The following MYCBP2 variants were observed in gnomAD, a reference collection of about 807,000 sequenced individuals.
MYCBP2 encodes E3 ubiquitin-protein ligase MYCBP2.
In MYCBP2, 120 loss-of-function variants were observed where a neutral mutation model predicts 525.3. The observed-to-expected ratio is 0.23, with a 90% CI of 0.20 to 0.27. MYCBP2 has a LOEUF of 0.27. Among genes scored for constraint, MYCBP2 ranks in the 10% least tolerant of loss-of-function variants. MYCBP2 has a pLI of 1.00. For synonymous variants in MYCBP2, 1,894 were observed against 1,955.8 expected (o/e 0.97, Z 0.83); for missense variants, 4,149 against 5,657.1 (o/e 0.73, Z 8.55).
At chr13:77,085,216 C>T (rs73239455) in intron 62 of MYCBP2, among the ~76,000 whole-genome samples, 3,770 of 152,010 alleles carry the variant, frequency 0.025, 85 homozygotes, top group South Asian at 0.099. Flanking sequence ...CATTTGGAAG[C>T]GTTACTTAAT....
intron 55 of MYCBP2, among the ~76,000 whole-genome samples, chr13:77,103,691 G>GTTACTTATA: frequency 6.6e-6 from 1 of 151,918 alleles, no homozygotes; most frequent in South Asian, 2.1e-4. Context: ...ATAAAGAAAT[G>GTTACTTATA]TTACTTATAT....
chr13:77,250,198 G>A (rs1404183570), intron 15 of MYCBP2, among the ~76,000 whole-genome samples: 1 of 150,402 alleles, frequency 6.6e-6, no homozygotes, highest in Non-Finnish European at 1.5e-5. Context: ...ACTCCAGCCT[G>A]GGCGACAGAG....
Position 77,118,677 on chromosome 13 carries a change from G to T in MYCBP2, c.8140+2696C>A, listed in dbSNP as rs577885632. On this transcript the variant is annotated intron_variant, in intron 55 of 82. Coordinates refer to ENST00000544440, the MANE Select transcript of MYCBP2 (RefSeq NM_015057.5). ...TCAGATTAGGGACCGAATTTTGCAA[G>T]CTTTTTTTTTTAATGGAAGCGCCCC... 2.0e-5 allele frequency among the ~76,000 whole-genome samples: 3 copies of T among 151,820 alleles called. No individual in the cohort carries two copies. The South Asian group carries it at 6.2e-4, about 32-fold the overall frequency.
Position 77,064,468 on chromosome 13 carries a change from C to G in MYCBP2, c.12672+147G>C, listed in dbSNP as rs1186057095. On this transcript the variant is annotated intron_variant, in intron 73 of 82. Coordinates refer to ENST00000544440, the MANE Select transcript of MYCBP2 (RefSeq NM_015057.5). The stretch of plus-strand genomic sequence containing the variant: ...ACGACTAGTTCATAATATAAAAGCC[C>G]TTTATACTTTTTCAATAAATACGGT... 14 of 897,934 alleles carry G rather than the reference C, an allele frequency of 1.6e-5. No individual in the cohort carries two copies. The South Asian group carries it at 2.7e-4, about 17-fold the overall frequency. 55.6% of individuals were successfully genotyped at this position (897,934 alleles called of 1,614,324 possible).
intron 3 of MYCBP2, among the ~76,000 whole-genome samples, chr13:77,287,850 G>A (rs1436460312): frequency 2.0e-5 from 3 of 152,054 alleles, no homozygotes; most frequent in Admixed American, 6.6e-5. Context: ...ATGGCTCAAT[G>A]CCTCTATACT....
intron 2 of MYCBP2, among the ~76,000 whole-genome samples, chr13:77,290,124 AAAG>A (rs2077319565): frequency 6.6e-6 from 1 of 152,214 alleles, no homozygotes; most frequent in South Asian, 2.1e-4. Context: ...AAGCACATGA[AAAG>A]AATTTCAACA....
intron 54 of MYCBP2, 95 bp downstream of exon 54, chr13:77,125,241 C>T (rs2051443341): frequency 2.1e-6 from 3 of 1,462,994 alleles, no homozygotes; most frequent in Non-Finnish European, 2.8e-6. Flanking sequence ...AGCAAACACA[C>T]AAAAAACTCT....
intron 17 of MYCBP2, among the ~76,000 whole-genome samples, chr13:77,242,626 T>C (rs116242207): frequency 1.5e-3 from 230 of 152,322 alleles, no homozygotes; most frequent in African/African-American, 5.2e-3. Context: ...GTCCAAATGA[T>C]AATGAGCATA....
Position 77,139,842 on chromosome 13 carries a change from CA to C in MYCBP2, c.7518+204del, listed in dbSNP as rs1456347818. On this transcript the variant is annotated intron_variant, in intron 51 of 82. Transcript: ENST00000544440. The stretch of plus-strand genomic sequence containing the variant: ...TGTCGAACATTGTTCTTTTCATGTT[CA>C]AAATATAATTTTAGTCATTTTTTAA... Among the ~76,000 whole-genome samples, 3 of 151,992 alleles carry C rather than the reference CA, an allele frequency of 2.0e-5. No individual in the cohort carries two copies. In the East Asian group the frequency reaches 5.8e-4, roughly 29 times the overall value.
At chr13:77,251,420 A>G (rs1485542463) in intron 14 of MYCBP2, 65 bp from the exon 15 acceptor site, 10 of 1,348,450 alleles carry the variant, frequency 7.4e-6, no homozygotes, top group African/African-American at 2.9e-5. Flanking sequence ...ATGGATGACT[A>G]TATTTCCCAG....
intron 55 of MYCBP2, among the ~76,000 whole-genome samples, chr13:77,106,784 G>A (rs778849855): frequency 1.3e-5 from 2 of 151,638 alleles, no homozygotes; most frequent in Admixed American, 1.3e-4. Context: ...GGGGACATGT[G>A]TAGGTTTGTT....
chr13:77,237,513 CAAT>C (rs1389405742), intron 17 of MYCBP2, among the ~76,000 whole-genome samples: 1 of 151,800 alleles, frequency 6.6e-6, no homozygotes, highest in East Asian at 1.9e-4. Flanking sequence ...AAAATTCAGT[CAAT>C]GATATAACTA....
At chr13:77,142,458 T>C (rs1229986681) in intron 49 of MYCBP2, among the ~76,000 whole-genome samples, 3 of 152,260 alleles carry the variant, frequency 2.0e-5, no homozygotes, top group Non-Finnish European at 2.9e-5. Flanking sequence ...GTTACATTAA[T>C]GTATGAGAAC....
At chr13:77,308,394 G>A (rs546534400) in intron 1 of MYCBP2, among the ~76,000 whole-genome samples, 1 of 152,242 alleles carries the variant, frequency 6.6e-6, no homozygotes, top group East Asian at 1.9e-4. Context: ...TAAGAGTACA[G>A]AATTTAGAAA....
At chr13:77,245,066 C>T (rs1029728521) in intron 15 of MYCBP2, among the ~76,000 whole-genome samples, 14 of 152,158 alleles carry the variant, frequency 9.2e-5, no homozygotes, top group Non-Finnish European at 1.9e-4. Context: ...AAACATGTCA[C>T]GCCAGTTACA....
chr13:77,233,321 T>C (rs2067390439), intron 17 of MYCBP2, 58 bp from the exon 18 acceptor site: 3 of 1,261,976 alleles, frequency 2.4e-6, no homozygotes, highest in Admixed American at 1.8e-5. Context: ...AACACTATAA[T>C]GAACAAAAAA....
intron 55 of MYCBP2, among the ~76,000 whole-genome samples, chr13:77,110,401 C>T (rs888885595): frequency 1.4e-4 from 21 of 152,082 alleles, no homozygotes; most frequent in African/African-American, 3.6e-4. Context: ...GAGGTCAGAT[C>T]GGTTCTCTGC....
intron 4 of MYCBP2, among the ~76,000 whole-genome samples, chr13:77,276,729 T>A (rs1356356387): frequency 6.6e-6 from 1 of 151,136 alleles, no homozygotes; most frequent in African/African-American, 2.4e-5. Context: ...CGCAGTGGCA[T>A]GATCACAGCC....
At position 77,248,037 on chromosome 13, in the gene MYCBP2, T is replaced by C. The variant is rs1457307382; in HGVS notation, c.2381+3114A>G. Among the ~76,000 whole-genome samples the C allele has an allele frequency of 3.9e-5, 6 of 152,010 alleles. No homozygotes were observed. The East Asian group carries it at 1.2e-3, about 29-fold the overall frequency. ...GGATAGCATTAGGAGATATACCTAA[T>C]GTTAAATAACGAGTTAATGGGTGCA... On this transcript the variant is annotated intron_variant, in intron 15 of 82. Coordinates refer to ENST00000544440, the MANE Select transcript of MYCBP2 (RefSeq NM_015057.5).
Sources: allele counts gnomAD v4.1 joint callset (sites outside exome capture counted in the v4.1 genomes callset), GRCh38; gene constraint gnomAD v4.1.1; transcripts MANE v1.5; gene names NCBI Gene and HGNC (gene_info 2026-07-23, HGNC 2026-07-21).